The following CTNNB1 variants were observed in gnomAD, a reference collection of about 807,000 sequenced individuals.
CTNNB1 encodes catenin beta-1.
In CTNNB1, 6 loss-of-function variants were observed where a neutral mutation model predicts 82.5. The observed-to-expected ratio is 0.07, with a 90% CI of 0.04 to 0.14. The LOEUF (loss-of-function observed/expected upper bound fraction) is 0.14. Ranked by LOEUF, CTNNB1 falls within the 10% of genes least tolerant of loss-of-function variation. The probability of loss-of-function intolerance (pLI) is 1.00; values close to 1 mark genes in which losing one functional copy is unlikely to be tolerated. For missense variants in CTNNB1, 529 were observed against 980.4 expected (o/e 0.54, Z 6.15); for synonymous variants, 312 against 329.7 (o/e 0.95, Z 0.58).
chr3:41,234,349 C>T, intron 10 of CTNNB1, 52 bp downstream of exon 10: 1 of 1,587,744 alleles, frequency 6.3e-7, no homozygotes, highest in Non-Finnish European at 8.6e-7. Context: ...ATGCATAAAT[C>T]CAAAGGATCC....
chr3:41,200,181 A>T (rs2125578962), intron 1 of CTNNB1: 1 of 152,142 alleles, frequency 6.6e-6, no homozygotes, highest in Non-Finnish European at 1.5e-5. Flanking sequence ...GGACCAGTGG[A>T]CTTTCTCTTA....
Position 41,225,156 on chromosome 3 carries a change from T to G in CTNNB1, c.444T>G (p.Leu148=). The G allele has an allele frequency of 6.2e-7, 1 of 1,614,082 alleles. No individual in the cohort carries two copies. The highest frequency in any genetic ancestry group is 1.1e-5 in the South Asian group (1 of 91,084). ...TTAACTATCAAGATGATGCAGAACT[T>G]GCCACACGTGCAATCCCTGAACTGA... ...NLINYQDDAE[L]ATRAIPELTK... is the part of the protein sequence containing the mutation. Residue 148 remains leucine, a synonymous_variant, in exon 4 of 15, where the codon CTT becomes CTG. Coordinates refer to ENST00000349496, the MANE Select transcript of CTNNB1 (RefSeq NM_001904.4). This position sits in a 1 kb window ranked among gnomAD's most constrained non-coding sequence, Gnocchi z 5.3.
chr3:41,239,467 A>G lies in CTNNB1; in HGVS notation c.*125A>G. 2 of 793,408 alleles carry G rather than the reference A, an allele frequency of 2.5e-6. No homozygotes were observed. The highest frequency in any genetic ancestry group is 4.2e-6 in the Non-Finnish European group (2 of 471,290). The allele number at this position is 793,408 out of a possible 1,614,324, so 49.1% of individuals were successfully genotyped here. A position where few individuals can be genotyped will look rare whatever the true frequency, so the allele number is the denominator to read the frequency against. ...GGTTTAGGCTATTTGTAAATCTGCC[A>G]CAAAAACAGGTATATACTTTGAAAG... is the stretch of plus-strand genomic sequence containing the variant. On this transcript the variant is annotated 3_prime_UTR_variant, in exon 15 of 15. Transcript: ENST00000349496.
chr3:41,218,911 G>A (rs34565533), intron 1 of CTNNB1, among the ~76,000 whole-genome samples: 59,049 of 151,946 alleles, frequency 0.39, 11,954 homozygotes, highest in Non-Finnish European at 0.45. Context: ...GCTGCCCCCA[G>A]GCCTCCTGTA....
intron 1 of CTNNB1, among the ~76,000 whole-genome samples, chr3:41,217,243 C>T (rs994456085): frequency 1.4e-4 from 21 of 152,300 alleles, no homozygotes; most frequent in African/African-American, 4.8e-4. Flanking sequence ...TGAAATGTCT[C>T]TTCCTCACAG....
At chr3:41,233,134 T>C (rs966570692) in intron 7 of CTNNB1, 1 of 622,450 alleles carries the variant, frequency 1.6e-6, no homozygotes, top group Admixed American at 2.7e-5. Context: ...CAGTAGCTAT[T>C]TGAGAGTTTG....
At chr3:41,228,778 C>G (rs548456511) in intron 7 of CTNNB1, among the ~76,000 whole-genome samples, 1 of 152,282 alleles carries the variant, frequency 6.6e-6, no homozygotes, top group East Asian at 1.9e-4. Flanking sequence ...CTCTTGGCAT[C>G]TTCGTCATGA....
intron 1 of CTNNB1, among the ~76,000 whole-genome samples, chr3:41,212,944 G>A (rs2077828596): frequency 6.6e-6 from 1 of 152,086 alleles, no homozygotes; most frequent in Non-Finnish European, 1.5e-5. Flanking sequence ...CTGGAATATT[G>A]CTATAGCTGC....
At chr3:41,233,480 G>A (rs2125638309) in intron 8 of CTNNB1, 36 bp downstream of exon 8, 1 of 1,613,364 alleles carries the variant, frequency 6.2e-7, no homozygotes, top group South Asian at 1.1e-5. Flanking sequence ...TGGGAATAGA[G>A]TCAAGATGAG....
At chr3:41,206,030 G>A (rs2077640574) in intron 1 of CTNNB1, among the ~76,000 whole-genome samples, 1 of 152,122 alleles carries the variant, frequency 6.6e-6, no homozygotes, top group Admixed American at 6.5e-5. Context: ...TGAAGAGTGT[G>A]AACATCTGAA....
intron 1 of CTNNB1, among the ~76,000 whole-genome samples, chr3:41,215,720 A>T (rs1278340053): frequency 6.6e-6 from 1 of 152,104 alleles, no homozygotes; most frequent in Non-Finnish European, 1.5e-5. Context: ...ATGGGATATA[A>T]TTTGGAAGTC....
chr3:41,213,436 T>A (rs555759059), intron 1 of CTNNB1, among the ~76,000 whole-genome samples: 1 of 152,232 alleles, frequency 6.6e-6, no homozygotes, highest in African/African-American at 2.4e-5. Flanking sequence ...TTACATACTT[T>A]TTTGTAATTG....
chr3:41,227,375 A>G (rs776195480), intron 7 of CTNNB1, 23 bp downstream of exon 7: 5 of 1,612,666 alleles, frequency 3.1e-6, no homozygotes, highest in Non-Finnish European at 4.2e-6. Context: ...ATCTATTCTG[A>G]GTCTTGTGTA....
At chr3:41,202,518 T>C (rs2077554708) in intron 1 of CTNNB1, among the ~76,000 whole-genome samples, 1 of 152,208 alleles carries the variant, frequency 6.6e-6, no homozygotes, top group Non-Finnish European at 1.5e-5. Flanking sequence ...ACTGCTTGAC[T>C]GAGAACATTT....
intron 9 of CTNNB1, 126 bp downstream of exon 9, chr3:41,233,993 A>C: frequency 1.4e-6 from 2 of 1,414,158 alleles, no homozygotes; most frequent in Non-Finnish European, 2.0e-6. Context: ...AGTAGGAAGT[A>C]TGGCTGCGAT....
intron 6 of CTNNB1, among the ~76,000 whole-genome samples, chr3:41,226,905 T>A (rs114024632): frequency 1.2e-4 from 19 of 152,326 alleles, no homozygotes; most frequent in African/African-American, 4.6e-4. Flanking sequence ...TACTCTTGCC[T>A]ACCAACATAG....
At chr3:41,222,546 C>G (rs1485979345) in intron 1 of CTNNB1, among the ~76,000 whole-genome samples, 1 of 152,122 alleles carries the variant, frequency 6.6e-6, no homozygotes, top group East Asian at 1.9e-4. Flanking sequence ...GTACAAATGG[C>G]TATTGTAAAT....
intron 1 of CTNNB1, among the ~76,000 whole-genome samples, chr3:41,208,430 T>C (rs2077699669): frequency 1.3e-5 from 2 of 152,178 alleles, no homozygotes; most frequent in South Asian, 4.1e-4. Flanking sequence ...TAGAATATTT[T>C]GTCTTTTATC....
intron 1 of CTNNB1, among the ~76,000 whole-genome samples, chr3:41,201,272 C>T (rs948308141): frequency 2.0e-5 from 3 of 152,058 alleles, no homozygotes; most frequent in African/African-American, 7.2e-5. Context: ...TAAATTTCTA[C>T]TTTGGAGGCT....
Sources: allele counts gnomAD v4.1 joint callset (sites outside exome capture counted in the v4.1 genomes callset), GRCh38; gene constraint gnomAD v4.1.1; non-coding constraint Gnocchi (gnomAD v3.1); transcripts MANE v1.5; gene names NCBI Gene and HGNC (gene_info 2026-07-23, HGNC 2026-07-21).